RUFY1: variants seen among roughly 807,000 people sequenced by gnomAD.
The protein encoded by RUFY1 is RUN and FYVE domain-containing protein 1.
In RUFY1, 54 loss-of-function variants were observed where a neutral mutation model predicts 94.6. The ratio of observed to expected loss-of-function variants is 0.57; its 90% CI spans 0.46 to 0.72. The LOEUF (loss-of-function observed/expected upper bound fraction) is 0.72. RUFY1 is among the 30% of genes least tolerant of loss of function. The pLI is 0.00. For missense variants in RUFY1, 883 were observed against 883.9 expected (o/e 1.00, Z 0.01); for synonymous variants, 396 against 347.3 (o/e 1.14, Z -1.56).
chr5:179,585,675 G>T, intron 7 of RUFY1, 121 bp from the exon 8 acceptor site: 1 of 693,000 alleles, frequency 1.4e-6, no homozygotes, highest in South Asian at 1.7e-5. Flanking sequence ...TGAGTTAATT[G>T]GAGACCCTCT....
chr5:179,554,947 G>A (rs1001282513), intron 1 of RUFY1, among the ~76,000 whole-genome samples: 3 of 151,760 alleles, frequency 2.0e-5, no homozygotes, highest in Non-Finnish European at 4.4e-5. Context: ...CAGCCTGGGT[G>A]ACGAGCAAAA....
chr5:179,562,709 C>T lies in RUFY1; in HGVS notation c.602+45C>T, dbSNP rs371148082. On this transcript the variant is annotated intron_variant, in intron 3 of 17. Transcript: ENST00000319449. Reference sequence around the variant, plus strand: ...GCCAATTTGATGATTTTAAAAACTCCCTCATATTTACTCATTTCTCAATTC... The same window carrying T: ...GCCAATTTGATGATTTTAAAAACTCTCTCATATTTACTCATTTCTCAATTC... The T allele has an allele frequency of 4.9e-6, 5 of 1,024,136 alleles. No homozygotes were observed. The African/African-American group carries it at 6.4e-5, about 13-fold the overall frequency. The allele number at this position is 1,024,136 out of a possible 1,614,324, so 63.4% of individuals were successfully genotyped here.
intron 8 of RUFY1, chr5:179,589,213 A>G (rs1414115616): frequency 5.2e-5 from 15 of 289,130 alleles, no homozygotes; most frequent in East Asian, 2.7e-4. Flanking sequence ...TGATGTAACT[A>G]TTTCCCTAAT....
intron 15 of RUFY1, among the ~76,000 whole-genome samples, chr5:179,604,420 C>A (rs1247599575): frequency 1.3e-5 from 2 of 152,168 alleles, no homozygotes; most frequent in Non-Finnish European, 2.9e-5. Context: ...GCCTTGTTGA[C>A]CTGGCTTCCC....
At chr5:179,569,191 G>A in intron 4 of RUFY1, 111 bp from the exon 5 acceptor site, 1 of 1,581,610 alleles carries the variant, frequency 6.3e-7, no homozygotes, top group Non-Finnish European at 8.6e-7. Context: ...GAAATCCACA[G>A]CAGTATCTTC....
rs535979584 is a variant in RUFY1, at chr5:179,598,619, C to G, written c.1632-73C>G. On this transcript the variant is annotated intron_variant, in intron 13 of 17. Transcript: ENST00000319449. ...TTCAGAGACTTCCCTGTTTCCTGGG[C>G]GGTGAATTGGGTTGTGAATCTTCCG... 7 of 1,553,508 alleles carry G rather than the reference C, an allele frequency of 4.5e-6. No individual in the cohort carries two copies. In the Admixed American group the frequency reaches 1.2e-4, roughly 27 times the overall value.
chr5:179,577,561 T>C (rs1273968137), intron 6 of RUFY1, among the ~76,000 whole-genome samples: 1 of 139,256 alleles, frequency 7.2e-6, no homozygotes, highest in African/African-American at 2.6e-5. Context: ...TAGCGGAGGC[T>C]CCGAGGCCGG....
chr5:179,596,466 T>C, intron 12 of RUFY1, 96 bp from the exon 13 acceptor site: 1 of 1,454,154 alleles, frequency 6.9e-7, no homozygotes, highest in Non-Finnish European at 9.6e-7. Context: ...TTAATTTTAC[T>C]GTATGGTAAT....
chr5:179,605,992 T>G, intron 16 of RUFY1, 68 bp downstream of exon 16: 1 of 1,046,568 alleles, frequency 9.6e-7, no homozygotes, highest in Non-Finnish European at 1.5e-6. Flanking sequence ...CTCGTACGTT[T>G]AAGTATCCCA....
chr5:179,570,616 C>T lies in RUFY1; in HGVS notation c.828+1191C>T, dbSNP rs73809473. On this transcript the variant is annotated intron_variant, in intron 5 of 17. Transcript: ENST00000319449. ...CCATTCCTCACTTCCACCCCCTCTT[C>T]GGGGCATCCGCAGCTGTAGCTGGGC... 9.6e-3 allele frequency among the ~76,000 whole-genome samples: 1,461 copies of T among 152,244 alleles called. 25 individuals are homozygous for T. The highest frequency in any genetic ancestry group is 0.032 in the African/African-American group (1,309 of 41,526).
intron 2 of RUFY1, among the ~76,000 whole-genome samples, chr5:179,561,323 G>A (rs1762439180): frequency 6.6e-6 from 1 of 152,124 alleles, no homozygotes; most frequent in Non-Finnish European, 1.5e-5. Flanking sequence ...TGTGCTAAGT[G>A]TGCTGAGGGA....
intron 11 of RUFY1, 84 bp downstream of exon 11, chr5:179,593,729 G>C: frequency 6.6e-7 from 1 of 1,526,656 alleles, no homozygotes; most frequent in Non-Finnish European, 8.8e-7. Flanking sequence ...AAATGAGCGA[G>C]TAGACACATA....
At chr5:179,578,936 T>G (rs1763871354) in intron 6 of RUFY1, among the ~76,000 whole-genome samples, 1 of 152,012 alleles carries the variant, frequency 6.6e-6, no homozygotes, top group Admixed American at 6.6e-5. Flanking sequence ...GAGCCACCGC[T>G]CCCGGCCCCA....
chr5:179,581,119 C>T (rs1764124320), intron 7 of RUFY1, 107 bp downstream of exon 7: 4 of 688,910 alleles, frequency 5.8e-6, no homozygotes, highest in South Asian at 5.6e-5. Flanking sequence ...GTTTCCAAAC[C>T]AAGACAAAAG....
chr5:179,575,777 TTTG>T (rs1023497400), intron 5 of RUFY1, among the ~76,000 whole-genome samples: 28 of 152,084 alleles, frequency 1.8e-4, no homozygotes, highest in African/African-American at 6.3e-4. Context: ...ATCCTGGAGT[TTTG>T]TTGTTTTTTT....
chr5:179,598,589 G>A, intron 13 of RUFY1, 103 bp from the exon 14 acceptor site: 1 of 1,359,704 alleles, frequency 7.4e-7, no homozygotes, highest in Non-Finnish European at 1.0e-6. Flanking sequence ...ATGCTCAAGA[G>A]GCAATTCAGA....
intron 2 of RUFY1, among the ~76,000 whole-genome samples, chr5:179,561,579 A>G (rs1392492235): frequency 6.6e-6 from 1 of 152,014 alleles, no homozygotes; most frequent in East Asian, 1.9e-4. Context: ...AGGATCTGAA[A>G]AAAACAAAAA....
chr5:179,556,036 A>C (rs1762102439), intron 1 of RUFY1, among the ~76,000 whole-genome samples: 1 of 152,078 alleles, frequency 6.6e-6, no homozygotes, highest in Non-Finnish European at 1.5e-5. Context: ...AAGATTATTC[A>C]TCATATTTTA....
intron 1 of RUFY1, chr5:179,555,861 G>A (rs1172890273): frequency 4.0e-6 from 1 of 248,840 alleles, no homozygotes; most frequent in Non-Finnish European, 8.0e-6. Flanking sequence ...TGGATTTTTA[G>A]TAGAGACAGG....
Sources: allele counts gnomAD v4.1 joint callset (sites outside exome capture counted in the v4.1 genomes callset), GRCh38; gene constraint gnomAD v4.1.1; transcripts MANE v1.5; gene names NCBI Gene and HGNC (gene_info 2026-07-23, HGNC 2026-07-21).